Variants in MEF2A observed in about 807,000 individuals in gnomAD.
MEF2A encodes myocyte enhancer factor 2A.
MEF2A carries 28 observed loss-of-function variants against 55.8 expected under a neutral mutation model. The ratio of observed to expected loss-of-function variants is 0.50; its 90% CI spans 0.37 to 0.69. The LOEUF (loss-of-function observed/expected upper bound fraction) is 0.69, where lower values mean the gene tolerates loss of function less well. Ranked by LOEUF, MEF2A falls within the 30% of genes least tolerant of loss-of-function variation. The pLI, the probability that MEF2A is intolerant of heterozygous loss-of-function variation, is 0.00. For synonymous variants in MEF2A, 239 were observed against 227.1 expected, an observed-to-expected ratio of 1.05 and a Z score of -0.47; for missense variants, 528 against 626.2, an observed-to-expected ratio of 0.84 and a Z score of 1.67.
upstream of MEF2A, chr15:99,565,724 G>C (rs1395056504): frequency 6.6e-6 from 1 of 152,442 alleles, no homozygotes; most frequent in African/African-American, 2.4e-5. Context: ...CGTCCTTGTG[G>C]AATAGCGCCC....
At chr15:99,656,296 A>AG (rs2047693705) in intron 4 of MEF2A, among the ~76,000 whole-genome samples, 1 of 152,114 alleles carries the variant, frequency 6.6e-6, no homozygotes, top group Admixed American at 6.6e-5. Flanking sequence ...TCCAGCCTTT[A>AG]GAGAAGTAAA....
chr15:99,605,187 A>G (rs1974608419), intron 2 of MEF2A, among the ~76,000 whole-genome samples: 1 of 152,138 alleles, frequency 6.6e-6, no homozygotes, highest in Non-Finnish European at 1.5e-5. Flanking sequence ...GCCTCAAGTG[A>G]TCTGGCTGCT....
chr15:99,640,559 C>CTTT (rs561916381), intron 3 of MEF2A, among the ~76,000 whole-genome samples: 1 of 133,948 alleles, frequency 7.5e-6, no homozygotes, highest in African/African-American at 2.7e-5. Context: ...TCTTTCTTTT[C>CTTT]TTTTTTTTTT....
intron 2 of MEF2A, among the ~76,000 whole-genome samples, chr15:99,630,823 T>C (rs1469548053): frequency 6.6e-6 from 1 of 152,092 alleles, no homozygotes; most frequent in Non-Finnish European, 1.5e-5. Context: ...TTCTTTGGAG[T>C]CTGTCCCTAT....
chr15:99,671,573 A>C, intron 5 of MEF2A, 119 bp downstream of exon 5: 7 of 1,612,176 alleles, frequency 4.3e-6, no homozygotes, highest in Non-Finnish European at 5.9e-6. Flanking sequence ...CTGATACTTC[A>C]TATGTGCTAA....
chr15:99,660,112 T>C (rs1227935121), intron 4 of MEF2A, among the ~76,000 whole-genome samples: 1 of 152,102 alleles, frequency 6.6e-6, no homozygotes, highest in African/African-American at 2.4e-5. Flanking sequence ...AAGATAATAA[T>C]CAGAAGCCAG....
intron 4 of MEF2A, among the ~76,000 whole-genome samples, chr15:99,646,835 A>T (rs2046042254): frequency 1.3e-5 from 2 of 152,094 alleles, no homozygotes; most frequent in South Asian, 4.1e-4. Context: ...ACACACATAA[A>T]AACTATTACT....
Position 99,715,687 on chromosome 15 carries a change from T to C in MEF2A, c.*2916T>C, listed in dbSNP as rs967681428. 1 of 152,194 alleles carries C rather than the reference T, an allele frequency of 6.6e-6. No individual in the cohort carries two copies. Among genetic ancestry groups the C allele is most frequent in the Non-Finnish European group, 1.5e-5 (1 of 68,036 alleles). The allele number at this position is 152,194 out of a possible 1,614,324, so 9.4% of individuals were successfully genotyped here. ...ACTCGTGTTTTGTATGAGACACCAT[T>C]GCAAGAAAATTTTATCCCTCCAGAA... On this transcript the variant is annotated 3_prime_UTR_variant, in exon 12 of 12. Coordinates refer to ENST00000557942, the MANE Select transcript of MEF2A (RefSeq NM_001319206.4).
intron 2 of MEF2A, among the ~76,000 whole-genome samples, chr15:99,620,040 T>G (rs891814065): frequency 1.3e-5 from 2 of 152,274 alleles, no homozygotes; most frequent in African/African-American, 4.8e-5. Context: ...TAGTTCTTGT[T>G]TTGTAGTAAC....
chr15:99,627,948 A>AT (rs962135057), intron 2 of MEF2A, among the ~76,000 whole-genome samples: 1 of 152,254 alleles, frequency 6.6e-6, no homozygotes, highest in East Asian at 1.9e-4. Context: ...ATAAAAGGGG[A>AT]TTTTTTTGTG....
intron 1 of MEF2A, among the ~76,000 whole-genome samples, chr15:99,569,684 T>C (rs1961281295): frequency 6.6e-6 from 1 of 152,218 alleles, no homozygotes; most frequent in Non-Finnish European, 1.5e-5. Context: ...AATTTAAAGT[T>C]AGAAGAATAC....
chr15:99,573,270 C>CAG (rs1426049377), intron 1 of MEF2A, among the ~76,000 whole-genome samples: 2 of 121,914 alleles, frequency 1.6e-5, no homozygotes, highest in Admixed American at 2.2e-4. Flanking sequence ...GCCTGGGCAA[C>CAG]AGCGAGACTC....
intron 10 of MEF2A, among the ~76,000 whole-genome samples, chr15:99,708,338 TG>T (rs1442808121): frequency 6.6e-6 from 1 of 152,264 alleles, no homozygotes; most frequent in Non-Finnish European, 1.5e-5. Flanking sequence ...GAGCTTGAAC[TG>T]GGTGTCAGAT....
chr15:99,656,320 A>G (rs1053840400), intron 4 of MEF2A, among the ~76,000 whole-genome samples: 6 of 152,154 alleles, frequency 3.9e-5, no homozygotes, highest in African/African-American at 1.2e-4. Context: ...ACTTAAAAAG[A>G]TAAGTATAGA....
chr15:99,675,434 A>T lies in MEF2A; in HGVS notation c.646A>T (p.Asn216Tyr). 6.2e-7 allele frequency: 1 copy of T among 1,613,984 alleles called. No homozygotes were observed. The highest frequency in any genetic ancestry group is 1.1e-5 in the South Asian group (1 of 91,080). The change falls in exon 7 of 12, where the codon AAT becomes TAT. Residue 216 changes from asparagine to tyrosine, a missense_variant. Around this residue, in one of 2 missense-constraint regions of MEF2A, gnomAD observed 450 missense variants for 475.3 expected, o/e 0.95. Transcript: ENST00000557942. Reference protein sequence around the residue: ...MLSTTDLTVPNGAGSSPVGNG... With the variant: ...MLSTTDLTVPYGAGSSPVGNG... ...GAGCACTACAGACCTCACAGTGCCA[A>T]ATGGAGCTGGAAGCAGTCCAGTGGG...
intron 3 of MEF2A, among the ~76,000 whole-genome samples, chr15:99,644,645 C>G (rs1391694700): frequency 1.3e-5 from 2 of 152,138 alleles, no homozygotes; most frequent in African/African-American, 4.8e-5. Context: ...TTGCACAATT[C>G]CAAAGATTAT....
intron 4 of MEF2A, among the ~76,000 whole-genome samples, chr15:99,646,391 T>C (rs1596760623): frequency 6.6e-6 from 1 of 152,158 alleles, no homozygotes. Flanking sequence ...TTTTATCTTC[T>C]CTCTTTCAAG....
At chr15:99,604,750 T>C (rs1974455144) in intron 2 of MEF2A, among the ~76,000 whole-genome samples, 1 of 151,880 alleles carries the variant, frequency 6.6e-6, no homozygotes. Context: ...TTGGACTTTG[T>C]TTTTGTACGT....
At chr15:99,622,358 G>C (rs1329308903) in intron 2 of MEF2A, among the ~76,000 whole-genome samples, 1 of 152,092 alleles carries the variant, frequency 6.6e-6, no homozygotes, top group African/African-American at 2.4e-5. Context: ...ATGCCCATCT[G>C]TTTTCTAAAG....
Sources: allele counts gnomAD v4.1 joint callset (sites outside exome capture counted in the v4.1 genomes callset), GRCh38; gene constraint gnomAD v4.1.1; regional missense constraint gnomAD v4.1.1; transcripts MANE v1.5; gene names NCBI Gene and HGNC (gene_info 2026-07-23, HGNC 2026-07-21).